CAPZB: variants seen among roughly 807,000 people sequenced by gnomAD.
The protein encoded by CAPZB is capping actin protein of muscle Z-line subunit beta, also known as F-actin-capping protein subunit beta.
CAPZB carries 2 observed loss-of-function variants against 38.1 expected under a neutral mutation model. The observed-to-expected ratio is 0.05, with a 90% CI of 0.02 to 0.17. The LOEUF is 0.17. Ranked by LOEUF, CAPZB falls within the 10% of genes least tolerant of loss-of-function variation. The pLI is 1.00. For synonymous variants in CAPZB, 107 were observed against 127.4 expected (o/e 0.84, Z 1.08); for missense variants, 161 against 334.2 (o/e 0.48, Z 4.04).
At chr1:19,462,440 A>G (rs2094554961) in intron 1 of CAPZB, among the ~76,000 whole-genome samples, 1 of 151,586 alleles carries the variant, frequency 6.6e-6, no homozygotes, top group Non-Finnish European at 1.5e-5. Context: ...CCTGGGCGAC[A>G]GAGTGAGACT....
intron 1 of CAPZB, among the ~76,000 whole-genome samples, chr1:19,423,550 G>GCT (rs2094410091): frequency 7.6e-6 from 1 of 131,792 alleles, no homozygotes; most frequent in Non-Finnish European, 1.6e-5. Flanking sequence ...TTAAAGATAG[G>GCT]CTCTCACTCT....
rs2094030691 is a variant in CAPZB at position 19,357,926 on chromosome 1, G to A, written c.330-363C>T. Among the ~76,000 whole-genome samples, 1 of 152,072 alleles carries A rather than the reference G, an allele frequency of 6.6e-6. No homozygotes were observed. The highest frequency in any genetic ancestry group is 2.1e-4 in the South Asian group (1 of 4,822). ...AGGCCATGACTACTGGAGTCACCACGGTTGTTCGATATTTCTGTCTTTTGG... is the reference window on the plus strand; with the variant it reads ...AGGCCATGACTACTGGAGTCACCACAGTTGTTCGATATTTCTGTCTTTTGG... On this transcript the variant is annotated intron_variant, in intron 4 of 8. Transcript: ENST00000264202. This position sits in a 1 kb window ranked among gnomAD's most constrained non-coding sequence, Gnocchi z 4.3.
At chr1:19,475,481 C>T (rs371890612) in intron 1 of CAPZB, among the ~76,000 whole-genome samples, 5 of 152,302 alleles carry the variant, frequency 3.3e-5, no homozygotes, top group South Asian at 2.1e-4. Context: ...GCTCCCACCA[C>T]GGCCAAACCC....
intron 2 of CAPZB, among the ~76,000 whole-genome samples, chr1:19,407,991 C>CA (rs1179211818): frequency 6.6e-6 from 1 of 152,208 alleles, no homozygotes; most frequent in Non-Finnish European, 1.5e-5. Flanking sequence ...GGGGCCGTGG[C>CA]ATTTTCAGCT....
rs942732967 is a variant in CAPZB at position 19,343,992 on chromosome 1, G to C, written c.731+366C>G. 3.3e-5 allele frequency among the ~76,000 whole-genome samples: 5 copies of C among 152,310 alleles called. No individual in the cohort carries two copies. In the East Asian group the frequency reaches 5.8e-4, roughly 18 times the overall value. ...GAGAGCAGGCCAGCCAGAGGCAGCC[G>C]GGCTGCCCGGAATGTGGTGTCATGG... On this transcript the variant is annotated intron_variant, in intron 8 of 8. Coordinates refer to ENST00000264202, the MANE Select transcript of CAPZB (RefSeq NM_004930.5).
intron 2 of CAPZB, among the ~76,000 whole-genome samples, chr1:19,396,320 G>T (rs749433550): frequency 6.6e-6 from 1 of 152,202 alleles, no homozygotes; most frequent in Non-Finnish European, 1.5e-5. Context: ...GCCCAAGCCT[G>T]CCTTGGTGGG....
chr1:19,421,113 C>T (rs2094399576), intron 1 of CAPZB, among the ~76,000 whole-genome samples: 1 of 152,230 alleles, frequency 6.6e-6, no homozygotes, highest in Admixed American at 6.5e-5. Context: ...CTGGAATCTG[C>T]TCTGCTCAGA....
chr1:19,416,939 G>C (rs2094382620), intron 2 of CAPZB, among the ~76,000 whole-genome samples: 1 of 147,750 alleles, frequency 6.8e-6, no homozygotes, highest in Admixed American at 6.9e-5. Flanking sequence ...CCATATATCA[G>C]TGGTAGATAC....
rs567046077 is a variant in CAPZB, at chr1:19,448,512, T to C, written c.4-28762A>G. ...CTCTGAACCGCAGAAACAAACCTGG[T>C]TGCAGTTGGGGCACTGTGGACCAGA... On this transcript the variant is annotated intron_variant, in intron 1 of 8. Coordinates refer to ENST00000264202, the MANE Select transcript of CAPZB (RefSeq NM_004930.5). Among the ~76,000 whole-genome samples the C allele has an allele frequency of 2.8e-4, 42 of 152,370 alleles. No individual in the cohort carries two copies. The South Asian group carries it at 8.3e-3, about 30-fold the overall frequency.
intron 3 of CAPZB, among the ~76,000 whole-genome samples, chr1:19,382,066 ATCGCCT>A (rs201758849): frequency 0.011 from 1,663 of 152,250 alleles, 17 homozygotes; most frequent in Middle Eastern, 0.024. Context: ...GATGACAGCC[ATCGCCT>A]TCCTGTAGGC....
In CAPZB at chr1:19,392,576, A is replaced by G. The variant is rs575221137; in HGVS notation, c.94-6950T>C. Reference sequence around the variant, plus strand: ...CAGCTGCGGTGGCTCGCTTGAGATCAAGAGTTCGAGACCAGCCTGGGCAAC... The same window carrying G: ...CAGCTGCGGTGGCTCGCTTGAGATCGAGAGTTCGAGACCAGCCTGGGCAAC... On this transcript the variant is annotated intron_variant, in intron 2 of 8. Coordinates refer to ENST00000264202, the MANE Select transcript of CAPZB (RefSeq NM_004930.5). Among the ~76,000 whole-genome samples, 87 of 151,590 alleles carry G rather than the reference A, an allele frequency of 5.7e-4. 1 individual carries two copies. The Middle Eastern group carries it at 0.01, about 18-fold the overall frequency.
chr1:19,390,369 G>A lies in CAPZB; in HGVS notation c.94-4743C>T, dbSNP rs79128283. On this transcript the variant is annotated intron_variant, in intron 2 of 8. Transcript: ENST00000264202. ...TGAGGAGGAGGAGCGGTGCTGACAC[G>A]CGGCAGCCGGATGGTTTCTGTCTAA... Among the ~76,000 whole-genome samples the A allele has an allele frequency of 3.8e-3, 586 of 152,352 alleles. 4 individuals carry two copies. Among genetic ancestry groups the A allele is most frequent in the African/African-American group, 0.013 (551 of 41,582 alleles).
chr1:19,381,622 T>C (rs548056058), intron 3 of CAPZB, among the ~76,000 whole-genome samples: 95 of 150,902 alleles, frequency 6.3e-4, no homozygotes, highest in Admixed American at 2.5e-3. Flanking sequence ...CAGGCTGGAG[T>C]GCAGTGATGT....
At chr1:19,452,183 C>A (rs1443742068) in intron 1 of CAPZB, among the ~76,000 whole-genome samples, 1 of 152,044 alleles carries the variant, frequency 6.6e-6, no homozygotes, top group African/African-American at 2.4e-5. Context: ...TGCTCCTGCC[C>A]CCGACTCAGC....
Position 19,362,914 on chromosome 1 carries a change from G to A in CAPZB, c.330-5351C>T, listed in dbSNP as rs138151639. On this transcript the variant is annotated intron_variant, in intron 4 of 8. Transcript: ENST00000264202. ...AGTGGGGGGGCCTCAGAAGCTCCAG[G>A]AAGATGAGGAGGGGGTGAAATGACA... 2.3e-4 allele frequency among the ~76,000 whole-genome samples: 35 copies of A among 152,258 alleles called. No homozygotes were observed. In the East Asian group the frequency reaches 6.0e-3, roughly 26 times the overall value.
At chr1:19,355,424 G>A (rs1350710093) in intron 6 of CAPZB, among the ~76,000 whole-genome samples, 1 of 150,438 alleles carries the variant, frequency 6.6e-6, no homozygotes, top group African/African-American at 2.5e-5. Context: ...GAACCCGGGA[G>A]GCAGAGATTG....
chr1:19,485,483 TCC>T lies in CAPZB; in HGVS notation c.-47_-46del. On this transcript the variant is annotated 5_prime_UTR_variant, in exon 1 of 9. Coordinates refer to ENST00000264202, the MANE Select transcript of CAPZB (RefSeq NM_004930.5). Reference sequence around the variant, plus strand: ...GTCCCGGTCCCGGCGTCAGTGGCTCTCCCCCCCGCAGCAGGGCCCGGCGCTTC... The same window carrying T: ...GTCCCGGTCCCGGCGTCAGTGGCTCTCCCCCGCAGCAGGGCCCGGCGCTTC... The T allele has an allele frequency of 8.2e-7, 1 of 1,224,046 alleles. No individual in the cohort carries two copies. The highest frequency in any genetic ancestry group is 1.0e-6 in the Non-Finnish European group (1 of 983,732). The allele number at this position is 1,224,046 out of a possible 1,614,324, so 75.8% of individuals were successfully genotyped here. A position where few individuals can be genotyped will look rare whatever the true frequency, so the allele number is the denominator to read the frequency against.
chr1:19,444,671 T>C (rs2094490332), intron 1 of CAPZB, among the ~76,000 whole-genome samples: 1 of 152,216 alleles, frequency 6.6e-6, no homozygotes, highest in East Asian at 1.9e-4. Flanking sequence ...AACGTGTAGC[T>C]GAAATTCAGA....
chr1:19,414,769 G>A (rs992878254), intron 2 of CAPZB, among the ~76,000 whole-genome samples: 3 of 152,184 alleles, frequency 2.0e-5, no homozygotes, highest in African/African-American at 7.2e-5. Context: ...CCAAGTTTAT[G>A]AAGCCAAGGG....
Sources: allele counts gnomAD v4.1 joint callset (sites outside exome capture counted in the v4.1 genomes callset), GRCh38; gene constraint gnomAD v4.1.1; non-coding constraint Gnocchi (gnomAD v3.1); transcripts MANE v1.5; gene names NCBI Gene and HGNC (gene_info 2026-07-23, HGNC 2026-07-21).